Variants in COL27A1 observed in about 807,000 individuals in gnomAD.
COL27A1 encodes the protein collagen type XXVII alpha 1 chain.
COL27A1 carries 106 observed loss-of-function variants against 251.3 expected under a neutral mutation model. That is an observed-to-expected ratio of 0.42 (90% CI 0.36 to 0.50). The LOEUF (loss-of-function observed/expected upper bound fraction) is 0.50, where lower values mean the gene tolerates loss of function less well. COL27A1 is among the 20% of genes least tolerant of loss of function. COL27A1 has a pLI of 0.00. For missense variants in COL27A1, 2,325 were observed against 2,522.8 expected, an observed-to-expected ratio of 0.92 and a Z score of 1.68; for synonymous variants, 1,000 against 986.3, an observed-to-expected ratio of 1.01 and a Z score of -0.26.
At chr9:114,199,114 T>C (rs539831566) in intron 7 of COL27A1, among the ~76,000 whole-genome samples, 2 of 152,262 alleles carry the variant, frequency 1.3e-5, no homozygotes, top group South Asian at 2.1e-4. Flanking sequence ...CAGAACTCCA[T>C]GTGCACCTCC....
At position 114,281,062 on chromosome 9, in the gene COL27A1, T is replaced by C. The variant is rs568994713; in HGVS notation, c.3718-1215T>C. On this transcript the variant is annotated intron_variant, in intron 37 of 60. Transcript: ENST00000356083. The stretch of plus-strand genomic sequence containing the variant: ...AATTAGTCAGTGCCTCTTCTTAAAG[T>C]ACAATACCTATTCCCAAATGGGACA... 3.9e-5 allele frequency among the ~76,000 whole-genome samples: 6 copies of C among 152,320 alleles called. No individual in the cohort carries two copies. In the South Asian group the frequency reaches 1.2e-3, roughly 32 times the overall value.
intron 7 of COL27A1, 129 bp downstream of exon 7, chr9:114,196,141 A>G (rs915099472): frequency 4.9e-6 from 4 of 820,394 alleles, no homozygotes; most frequent in Non-Finnish European, 8.4e-6. Flanking sequence ...CACAGGGTAC[A>G]TGGGTGAGAG....
At chr9:114,200,062 T>TA in intron 7 of COL27A1, among the ~76,000 whole-genome samples, 1 of 152,078 alleles carries the variant, frequency 6.6e-6, no homozygotes, top group African/African-American at 2.4e-5. Flanking sequence ...GAAGCTGTAA[T>TA]AAAATGGGAG....
In COL27A1 at chr9:114,309,218, G is replaced by A. The variant is rs368298746; in HGVS notation, c.5218-42G>A. On this transcript the variant is annotated intron_variant, in intron 59 of 60. Transcript: ENST00000356083. Reference sequence around the variant, plus strand: ...AGGGAACCCTCGGTGTGGGGGGTGTGGGGGGCAGCCTGAGCCGCTCACTGC... The same window carrying A: ...AGGGAACCCTCGGTGTGGGGGGTGTAGGGGGCAGCCTGAGCCGCTCACTGC... The A allele has an allele frequency of 2.4e-4, 375 of 1,567,922 alleles. 2 individuals carry two copies. In the South Asian group the frequency reaches 3.8e-3, roughly 16 times the overall value.
upstream of COL27A1, among the ~76,000 whole-genome samples, chr9:114,154,692 T>G (rs1305426086): frequency 6.6e-6 from 1 of 152,124 alleles, no homozygotes; most frequent in African/African-American, 2.4e-5. The surrounding 1 kb of genome is among the most constrained non-coding windows in gnomAD (Gnocchi z 5.8). Context: ...GCGTTTCGTG[T>G]GAACCTAGGA....
intron 29 of COL27A1, 84 bp downstream of exon 29, chr9:114,264,492 A>T: frequency 8.8e-7 from 1 of 1,134,326 alleles, no homozygotes; most frequent in Non-Finnish European, 1.2e-6. Flanking sequence ...TCCTCAGAAC[A>T]ATGCCCCTTA....
intron 57 of COL27A1, 59 bp downstream of exon 57, chr9:114,304,732 A>C: frequency 2.8e-6 from 4 of 1,434,680 alleles, no homozygotes; most frequent in African/African-American, 1.4e-5. Context: ...CAAATAGATA[A>C]TGGCCCACAT....
At chr9:114,303,699 T>G (rs1232004938) in intron 56 of COL27A1, among the ~76,000 whole-genome samples, 4 of 152,224 alleles carry the variant, frequency 2.6e-5, no homozygotes, top group Admixed American at 1.3e-4. Context: ...AATTTGACCC[T>G]GAGGAGTAGC....
intron 12 of COL27A1, among the ~76,000 whole-genome samples, chr9:114,217,001 A>T (rs1329945555): frequency 6.6e-6 from 1 of 152,176 alleles, no homozygotes; most frequent in South Asian, 2.1e-4. Context: ...CATCTCTGCT[A>T]TGCCAGGGCT....
chr9:114,249,792 A>G (rs1833398359), intron 24 of COL27A1, among the ~76,000 whole-genome samples: 1 of 152,218 alleles, frequency 6.6e-6, no homozygotes, highest in South Asian at 2.1e-4. Context: ...TAATTCACCC[A>G]GAACCTCTTG....
Position 114,237,066 on chromosome 9 carries a change from C to G in COL27A1, c.2673+32C>G, listed in dbSNP as rs761150565. ...ACCTGCTCCTCCAGCACCCCCAAAC[C>G]TCACACTCTCCAACTGATCGTGTAA... On this transcript the variant is annotated intron_variant, in intron 18 of 60. Coordinates refer to ENST00000356083, the MANE Select transcript of COL27A1 (RefSeq NM_032888.4). The G allele has an allele frequency of 2.5e-6, 4 of 1,571,178 alleles. No individual in the cohort carries two copies. In the South Asian group the frequency reaches 4.7e-5, roughly 19 times the overall value.
chr9:114,235,509 C>T, intron 16 of COL27A1, 90 bp from the exon 17 acceptor site: 1 of 981,836 alleles, frequency 1.0e-6, no homozygotes, highest in Non-Finnish European at 1.7e-6. Context: ...ACAGCCTCGG[C>T]ACAGCTGTAC....
chr9:114,261,300 T>TCGAGGAGCGAG (rs3034127), intron 28 of COL27A1, among the ~76,000 whole-genome samples: 2 of 151,910 alleles, frequency 1.3e-5, no homozygotes, highest in African/African-American at 4.8e-5. Context: ...GACATCTTCC[T>TCGAGGAGCGAG]CGAGGAGCGG....
chr9:114,176,667 C>A (rs1827474120), intron 3 of COL27A1, among the ~76,000 whole-genome samples: 1 of 152,146 alleles, frequency 6.6e-6, no homozygotes, highest in Non-Finnish European at 1.5e-5. Flanking sequence ...AACCAGACAA[C>A]CCCTCTACCC....
At chr9:114,275,330 T>C (rs562813016) in intron 36 of COL27A1, among the ~76,000 whole-genome samples, 1 of 152,142 alleles carries the variant, frequency 6.6e-6, no homozygotes, top group South Asian at 2.1e-4. Context: ...TGGAGAGAAA[T>C]TGCCCTTGTC....
rs563579546 is a variant in COL27A1, at chr9:114,307,769, G to T, written c.5208G>T (p.Thr1736=). The T allele has an allele frequency of 6.2e-7, 1 of 1,612,438 alleles. No homozygotes were observed. Among genetic ancestry groups the T allele is most frequent in the Non-Finnish European group, 8.5e-7 (1 of 1,178,834 alleles). ...HGGQTCLKPI[T]ASKVEFAISR... ...GACAGACGTGTCTCAAGCCCATCAC[G>T]GCCTCCAAGGTACCCATCAGCTCCC... is the stretch of plus-strand genomic sequence containing the variant. The change falls in exon 59 of 61, where the codon ACG becomes ACT. Residue 1736 remains threonine, a synonymous_variant. Coordinates refer to ENST00000356083, the MANE Select transcript of COL27A1 (RefSeq NM_032888.4).
At chr9:114,198,771 C>G (rs1221665305) in intron 7 of COL27A1, among the ~76,000 whole-genome samples, 1 of 152,164 alleles carries the variant, frequency 6.6e-6, no homozygotes, top group Non-Finnish European at 1.5e-5. Flanking sequence ...GGCCAGTTCC[C>G]AAGGTGGGGA....
intron 16 of COL27A1, among the ~76,000 whole-genome samples, chr9:114,234,912 C>CAAAA (rs999381150): frequency 7.8e-4 from 82 of 105,724 alleles, no homozygotes; most frequent in Admixed American, 2.8e-3. Context: ...ACTAAAAATA[C>CAAAA]AAAAAAAAAA....
chr9:114,306,721 C>T lies in COL27A1; in HGVS notation c.5107+33C>T, dbSNP rs765220477. The stretch of plus-strand genomic sequence containing the variant: ...GGCTTCCTGCCGGGGGTGGGTGCGC[C>T]TGGCGGTGGGGAGCTGGGGCAGGTG... On this transcript the variant is annotated intron_variant, in intron 58 of 60. Coordinates refer to ENST00000356083, the MANE Select transcript of COL27A1 (RefSeq NM_032888.4). 4.4e-5 allele frequency: 71 copies of T among 1,604,244 alleles called. No homozygotes were observed. The Middle Eastern group carries it at 6.7e-4, about 15-fold the overall frequency.
Sources: gnomAD v4.1 joint callset for allele counts (sites outside exome capture counted in the v4.1 genomes callset) on GRCh38, gnomAD v4.1.1 for gene constraint, Gnocchi (gnomAD v3.1) non-coding constraint, MANE v1.5 for transcripts, NCBI Gene and HGNC (gene_info 2026-07-23, HGNC 2026-07-21) for gene names.